The following VPS13A variants were observed in gnomAD, a reference collection of about 807,000 sequenced individuals.
The protein encoded by VPS13A is intermembrane lipid transfer protein VPS13A.
VPS13A carries 264 observed loss-of-function variants against 390.9 expected under a neutral mutation model. The ratio of observed to expected loss-of-function variants is 0.68; its 90% CI spans 0.61 to 0.75. The LOEUF (loss-of-function observed/expected upper bound fraction) is 0.75. Among genes scored for constraint, VPS13A ranks in the 30% least tolerant of loss-of-function variants. The pLI is 0.00. For missense variants in VPS13A, 3,409 were observed against 3,733.9 expected (o/e 0.91, Z 2.27); for synonymous variants, 1,231 against 1,227.1 (o/e 1.00, Z -0.07).
chr9:77,323,182 T>C lies in VPS13A; in HGVS notation c.5946T>C (p.Asp1982=), dbSNP rs771768090. 1 of 1,613,536 alleles carries C rather than the reference T, an allele frequency of 6.2e-7. No homozygotes were observed. The highest frequency in any genetic ancestry group is 2.2e-5 in the East Asian group (1 of 44,844). ...AAAGATCTATTGTTTGTCAAATTGA[T>C]ACAGTAGAAGGAAGTAAGAAGGTCA... The part of the protein sequence containing the change: ...GVERSIVCQI[D]TVEGSKKVTI... Residue 1982 remains aspartate (D), a synonymous_variant, in exon 45 of 72, where the codon GAT becomes GAC. Coordinates refer to ENST00000360280, the MANE Select transcript of VPS13A (RefSeq NM_033305.3).
chr9:77,320,073 G>A (rs1829649208), intron 42 of VPS13A, among the ~76,000 whole-genome samples: 1 of 150,094 alleles, frequency 6.7e-6, no homozygotes, highest in Admixed American at 6.6e-5. Context: ...ACATAATTTA[G>A]AACAATTTAG....
Position 77,356,506 on chromosome 9 carries a change from C to T in VPS13A, c.7653-208C>T, listed in dbSNP as rs1327544. ...GAATGACAGAGATGTTCACTGATAA[C>T]GGCTGTAACACCTAGAATAGTGCCT... On this transcript the variant is annotated intron_variant, in intron 54 of 71. Coordinates refer to ENST00000360280, the MANE Select transcript of VPS13A (RefSeq NM_033305.3). Among the ~76,000 whole-genome samples the T allele has an allele frequency of 0.078, 11,798 of 152,200 alleles. 580 individuals carry two copies. The highest frequency in any genetic ancestry group is 0.12 in the East Asian group (603 of 5,178).
At chr9:77,203,484 T>C (rs1415107239) in intron 3 of VPS13A, among the ~76,000 whole-genome samples, 1 of 152,104 alleles carries the variant, frequency 6.6e-6, no homozygotes, top group Non-Finnish European at 1.5e-5. Flanking sequence ...GACAGGGTTT[T>C]GCCATGTTGC....
chr9:77,190,802 A>T (rs895194039), intron 1 of VPS13A, among the ~76,000 whole-genome samples: 1 of 152,116 alleles, frequency 6.6e-6, no homozygotes, highest in African/African-American at 2.4e-5. Flanking sequence ...CAATCTTGGG[A>T]GGTTGTATGT....
intron 6 of VPS13A, among the ~76,000 whole-genome samples, chr9:77,210,157 C>CT: frequency 2.4e-5 from 2 of 82,354 alleles, no homozygotes; most frequent in Non-Finnish European, 4.9e-5. Context: ...CTCCCCCCAC[C>CT]TCCCTCTCTC....
At chr9:77,405,066 A>G (rs1317544464) in intron 69 of VPS13A, among the ~76,000 whole-genome samples, 1 of 152,216 alleles carries the variant, frequency 6.6e-6, no homozygotes, top group Non-Finnish European at 1.5e-5. Context: ...AAGAAAAATT[A>G]AGAAGAAAGA....
chr9:77,300,980 T>A (rs1289942773), intron 33 of VPS13A, among the ~76,000 whole-genome samples: 2 of 152,182 alleles, frequency 1.3e-5, no homozygotes, highest in Non-Finnish European at 2.9e-5. Flanking sequence ...ATAGAGGACA[T>A]AATAAACTAT....
At chr9:77,375,831 T>G (rs1319122614) in intron 67 of VPS13A, among the ~76,000 whole-genome samples, 2 of 152,196 alleles carry the variant, frequency 1.3e-5, no homozygotes, top group Admixed American at 1.3e-4. Context: ...ACTTCTCTAA[T>G]CACTTGAGGG....
chr9:77,220,594 C>T (rs374413524), intron 12 of VPS13A, among the ~76,000 whole-genome samples: 1 of 151,922 alleles, frequency 6.6e-6, no homozygotes, highest in Non-Finnish European at 1.5e-5. Context: ...GTTTACAACT[C>T]GAGATGCTCG....
chr9:77,399,934 A>G (rs973229684), intron 68 of VPS13A, among the ~76,000 whole-genome samples: 3 of 152,160 alleles, frequency 2.0e-5, no homozygotes, highest in African/African-American at 7.2e-5. Context: ...TTTATTTACT[A>G]TATCTTATAC....
Position 77,366,785 on chromosome 9 carries a change from A to G in VPS13A, c.8384A>G (p.Asn2795Ser), listed in dbSNP as rs1832455769. The change falls in exon 61 of 72, where the codon AAT becomes AGT. Residue 2795 changes from asparagine to serine, a missense_variant. This residue lies in a region of VPS13A where 123 missense variants were observed against 118.7 expected (regional missense o/e 1.04). Transcript: ENST00000360280. ...GAAGAAGCTAAAGATTCAAAACAAA[A>G]TGGAGGACTGATTCCAGTTCATTCT... ...GREEAKDSKQ[N>S]GGLIPVHSLN... 6.2e-7 allele frequency: 1 copy of G among 1,613,256 alleles called. No individual in the cohort carries two copies. Among genetic ancestry groups the G allele is most frequent in the African/African-American group, 1.3e-5 (1 of 74,896 alleles).
At chr9:77,311,090 A>G (rs1829047670) in intron 35 of VPS13A, among the ~76,000 whole-genome samples, 1 of 151,958 alleles carries the variant, frequency 6.6e-6, no homozygotes, top group African/African-American at 2.4e-5. Flanking sequence ...ACACCCAGCT[A>G]CTTTTTTGTA....
chr9:77,339,695 T>G lies in VPS13A; in HGVS notation c.6558T>G (p.Val2186=). Residue 2186 remains valine (V), a synonymous_variant, in exon 48 of 72, where the codon GTT becomes GTG. Coordinates refer to ENST00000360280, the MANE Select transcript of VPS13A (RefSeq NM_033305.3). The stretch of plus-strand genomic sequence containing the variant: ...TTAGTTTTGTCAGTTTTACTTGTGT[T>G]ACAGAAATGGAAAAGACTGATTTAG... The part of the protein sequence containing the change: ...QDISFVSFTC[V]TEMEKTDLDI... 1 of 1,614,002 alleles carries G rather than the reference T, an allele frequency of 6.2e-7. No homozygotes were observed. Among genetic ancestry groups the G allele is most frequent in the African/African-American group, 1.3e-5 (1 of 75,028 alleles).
Position 77,314,535 on chromosome 9 carries a change from C to G in VPS13A, c.4283C>G (p.Ala1428Gly). ...GTTCGTGATCCTTCTCTGAAACTTG[C>G]TGAATTTAAATTGGAGAATATTATA... ...TDVRDPSLKLAEFKLENIIST... is the reference protein window; with the variant it reads ...TDVRDPSLKLGEFKLENIIST... The change falls in exon 37 of 72, where the codon GCT becomes GGT. Residue 1428 changes from alanine to glycine, a missense_variant. Physicochemically the swap from Ala to Gly is moderately conservative, Grantham distance 60. Around this residue, in one of 5 missense-constraint regions of VPS13A, gnomAD observed 2,717 missense variants for 2,917.4 expected, o/e 0.93. Coordinates refer to ENST00000360280, the MANE Select transcript of VPS13A (RefSeq NM_033305.3). 5 of 1,612,362 alleles carry G rather than the reference C, an allele frequency of 3.1e-6. No individual in the cohort carries two copies. Among genetic ancestry groups the G allele is most frequent in the Non-Finnish European group, 4.2e-6 (5 of 1,179,304 alleles).
chr9:77,189,182 G>A (rs893826131), intron 1 of VPS13A, among the ~76,000 whole-genome samples: 5 of 97,354 alleles, frequency 5.1e-5, no homozygotes, highest in Non-Finnish European at 9.9e-5. Context: ...TGAAATCTTT[G>A]TCAGGGCTTA....
chr9:77,363,696 A>G (rs1832279477), intron 59 of VPS13A, among the ~76,000 whole-genome samples: 2 of 152,196 alleles, frequency 1.3e-5, no homozygotes, highest in Admixed American at 6.5e-5. Context: ...TATTAGGTCT[A>G]CAGGTTAGCC....
At chr9:77,316,577 T>G (rs1781699461) in intron 39 of VPS13A, among the ~76,000 whole-genome samples, 171 bp downstream of exon 39, 1 of 152,118 alleles carries the variant, frequency 6.6e-6, no homozygotes, top group Non-Finnish European at 1.5e-5. Flanking sequence ...TGAAACTCTT[T>G]CATTCTTCCA....
Position 77,315,253 on chromosome 9 carries a change from A to T in VPS13A, c.4413A>T (p.Arg1471=), listed in dbSNP as rs1414097993. 6.2e-7 allele frequency: 1 copy of T among 1,613,636 alleles called. No individual in the cohort carries two copies. Among genetic ancestry groups the T allele is most frequent in the Admixed American group, 1.7e-5 (1 of 59,998 alleles). ...GAATTGTTGTTATTGTGTTTTCCAG[A>T]ATGATAGGACTGACAGTTGGTTTTG... The part of the protein sequence containing the change: ...KRPHVKKATP[R]MIGLTVGFDK... The change falls in exon 38 of 72, where the codon CGA becomes CGT. Residue 1471 remains arginine (R), a splice_region_variant and synonymous_variant. Coordinates refer to ENST00000360280, the MANE Select transcript of VPS13A (RefSeq NM_033305.3).
chr9:77,410,336 A>G (rs1372106125), intron 71 of VPS13A, among the ~76,000 whole-genome samples: 1 of 152,236 alleles, frequency 6.6e-6, no homozygotes, highest in East Asian at 1.9e-4. Context: ...AGCCACTGCA[A>G]AAACATGCCA....
Sources: gnomAD v4.1 joint callset for allele counts (sites outside exome capture counted in the v4.1 genomes callset) on GRCh38, gnomAD v4.1.1 for gene constraint, gnomAD v4.1.1 regional missense constraint, MANE v1.5 for transcripts, NCBI Gene and HGNC (gene_info 2026-07-23, HGNC 2026-07-21) for gene names.